Variants in MAP3K5 observed in about 807,000 individuals in gnomAD.
MAP3K5 encodes the protein ASK-1.
In MAP3K5, 56 loss-of-function variants were observed where a neutral mutation model predicts 158.7. The observed-to-expected ratio is 0.35, with a 90% CI of 0.28 to 0.44. MAP3K5 has a LOEUF of 0.44. Ranked by LOEUF, MAP3K5 falls within the 20% of genes least tolerant of loss-of-function variation. The pLI, the probability that MAP3K5 is intolerant of heterozygous loss-of-function variation, is 1.00. For missense variants in MAP3K5, 1,294 were observed against 1,674.8 expected (o/e 0.77, Z 3.97); for synonymous variants, 579 against 601.7 (o/e 0.96, Z 0.55).
intron 8 of MAP3K5, among the ~76,000 whole-genome samples, chr6:136,663,843 C>CCTCAAGTGA (rs1414271004): frequency 6.6e-6 from 1 of 152,014 alleles, no homozygotes; most frequent in Non-Finnish European, 1.5e-5. Flanking sequence ...TAACTCCTGA[C>CCTCAAGTGA]CTCAAGTGAG....
At chr6:136,734,065 T>C (rs1782344425) in intron 1 of MAP3K5, among the ~76,000 whole-genome samples, 2 of 152,030 alleles carry the variant, frequency 1.3e-5, no homozygotes, top group Admixed American at 6.6e-5. Context: ...ATAAGAAATG[T>C]ATAAGTCAAA....
chr6:136,565,299 A>C (rs1774047467), intron 26 of MAP3K5, among the ~76,000 whole-genome samples: 1 of 152,240 alleles, frequency 6.6e-6, no homozygotes. Flanking sequence ...TCTGTTCCAA[A>C]AAAGTATGGC....
chr6:136,624,776 A>G (rs1263590998), intron 14 of MAP3K5, among the ~76,000 whole-genome samples: 3 of 152,212 alleles, frequency 2.0e-5, no homozygotes, highest in Non-Finnish European at 4.4e-5. Context: ...GTAGATGAAA[A>G]ATTTCATGAT....
chr6:136,637,233 C>G (rs1777680385), intron 14 of MAP3K5, 92 bp downstream of exon 14: 2 of 1,257,718 alleles, frequency 1.6e-6, no homozygotes. Flanking sequence ...CAGTCTCCTA[C>G]CCCTCATACA....
chr6:136,599,476 T>A (rs1260539087), intron 21 of MAP3K5, among the ~76,000 whole-genome samples: 1 of 114,480 alleles, frequency 8.7e-6, no homozygotes, highest in Non-Finnish European at 1.7e-5. Context: ...ACTTAAAGGA[T>A]CTCTCTCTCT....
chr6:136,613,390 G>A lies in MAP3K5; in HGVS notation c.2279-134C>T. The A allele has an allele frequency of 1.6e-6, 1 of 638,288 alleles. No homozygotes were observed. The highest frequency in any genetic ancestry group is 3.3e-5 in the South Asian group (1 of 30,654). 39.5% of individuals were successfully genotyped at this position (638,288 alleles called of 1,614,324 possible). On this transcript the variant is annotated intron_variant, in intron 16 of 29. Transcript: ENST00000359015. This position sits in a 1 kb window ranked among gnomAD's most constrained non-coding sequence, Gnocchi z 4.0. Reference sequence around the variant, plus strand: ...GGCCCAGGAGCTATACTGGATATCGGGCTCAAACATGAATTTGCAAATATC... The same window carrying A: ...GGCCCAGGAGCTATACTGGATATCGAGCTCAAACATGAATTTGCAAATATC...
intron 28 of MAP3K5, among the ~76,000 whole-genome samples, chr6:136,560,320 A>C (rs1018963662): frequency 6.6e-6 from 1 of 152,116 alleles, no homozygotes; most frequent in Admixed American, 6.5e-5. Context: ...TTTCTACTAA[A>C]AGTACAAAAA....
At chr6:136,760,924 G>A (rs1783722918) in intron 1 of MAP3K5, among the ~76,000 whole-genome samples, 1 of 152,184 alleles carries the variant, frequency 6.6e-6, no homozygotes, top group Admixed American at 6.5e-5. Context: ...AGCTGAGATT[G>A]CACCACTGCA....
At chr6:136,610,924 G>A (rs1171458021) in intron 18 of MAP3K5, among the ~76,000 whole-genome samples, 3 of 151,644 alleles carry the variant, frequency 2.0e-5, no homozygotes, top group Non-Finnish European at 4.4e-5. Flanking sequence ...TGGGCAACAT[G>A]GTGAAACCTT....
In MAP3K5 at chr6:136,605,203, T is replaced by A; in HGVS notation, c.2679+6A>T. 1 of 1,611,232 alleles carries A rather than the reference T, an allele frequency of 6.2e-7. No homozygotes were observed. Among genetic ancestry groups the A allele is most frequent in the African/African-American group, 1.3e-5 (1 of 74,834 alleles). On this transcript the variant is annotated splice_donor_region_variant and intron_variant, in intron 19 of 29. Coordinates refer to ENST00000359015, the MANE Select transcript of MAP3K5 (RefSeq NM_005923.4). ...CCATTTGTTTTTAAGAGAAATGAAG[T>A]GTGACCTTGAACATAGCTGCTTGTG...
chr6:136,639,514 C>A (rs936191527), intron 13 of MAP3K5, 29 bp downstream of exon 13: 3 of 1,309,168 alleles, frequency 2.3e-6, no homozygotes, highest in Non-Finnish European at 2.2e-6. Context: ...TAAGAAGAAT[C>A]TTTTTCACAC....
At chr6:136,775,804 A>ACAACACGGTGG (rs1295515106) in intron 1 of MAP3K5, among the ~76,000 whole-genome samples, 1 of 152,228 alleles carries the variant, frequency 6.6e-6, no homozygotes, top group Non-Finnish European at 1.5e-5. Context: ...AAGCGATGTC[A>ACAACACGGTGG]CAACACGGTG....
At chr6:136,684,206 G>C (rs185424322) in intron 7 of MAP3K5, among the ~76,000 whole-genome samples, 2 of 151,760 alleles carry the variant, frequency 1.3e-5, no homozygotes, top group Non-Finnish European at 2.9e-5. Flanking sequence ...GACAGAATGA[G>C]ACCCTATCTC....
intron 7 of MAP3K5, among the ~76,000 whole-genome samples, chr6:136,681,053 C>A (rs987215944): frequency 6.6e-6 from 1 of 152,172 alleles, no homozygotes; most frequent in African/African-American, 2.4e-5. Context: ...TCAGATGGAA[C>A]CACGAAAGCA....
chr6:136,604,784 A>C (rs1198326002), intron 19 of MAP3K5, among the ~76,000 whole-genome samples: 2 of 152,152 alleles, frequency 1.3e-5, no homozygotes, highest in Non-Finnish European at 2.9e-5. Context: ...TTTTAAAAAA[A>C]ATGAAGCCTT....
At position 136,609,274 on chromosome 6, in the gene MAP3K5, T is replaced by C. The variant is rs1776230890; in HGVS notation, c.2521+2008A>G. 6.6e-6 allele frequency among the ~76,000 whole-genome samples: 1 copy of C among 152,188 alleles called. No homozygotes were observed. Among genetic ancestry groups the C allele is most frequent in the South Asian group, 2.1e-4 (1 of 4,832 alleles). ...ATGTAAAGACATTTGAAGTTATTAA[T>C]AGGTCAGAATTTAGTTTTTTCAAAA... is the stretch of plus-strand genomic sequence containing the variant. On this transcript the variant is annotated intron_variant, in intron 18 of 29. Transcript: ENST00000359015. The surrounding 1 kb of genome is among the most constrained non-coding windows in gnomAD (Gnocchi z 4.4).
At chr6:136,653,738 A>C (rs1339727742) in intron 10 of MAP3K5, among the ~76,000 whole-genome samples, 6 of 152,254 alleles carry the variant, frequency 3.9e-5, no homozygotes, top group African/African-American at 1.4e-4. Context: ...TGTAAATATA[A>C]GAAAACAATC....
At chr6:136,623,003 G>A in intron 14 of MAP3K5, 22 bp from the exon 15 acceptor site, 1 of 1,610,584 alleles carries the variant, frequency 6.2e-7, no homozygotes, top group South Asian at 1.1e-5. Context: ...AAAACGGGGA[G>A]AAAAGATCAA....
intron 1 of MAP3K5, among the ~76,000 whole-genome samples, chr6:136,767,254 C>A (rs915631263): frequency 2.0e-5 from 3 of 151,568 alleles, no homozygotes; most frequent in Non-Finnish European, 4.4e-5. Flanking sequence ...GCACTAAACC[C>A]ACGGGAAAGA....
Sources: gnomAD v4.1 joint callset for allele counts (sites outside exome capture counted in the v4.1 genomes callset) on GRCh38, gnomAD v4.1.1 for gene constraint, Gnocchi (gnomAD v3.1) non-coding constraint, MANE v1.5 for transcripts, NCBI Gene and HGNC (gene_info 2026-07-23, HGNC 2026-07-21) for gene names.